RSPO3: variants seen among roughly 807,000 people sequenced by gnomAD.
RSPO3 encodes R-spondin 3, also known as R-spondin-3.
A neutral mutation model predicts 36.5 loss-of-function variants in RSPO3; 17 were observed. The observed-to-expected ratio is 0.47, with a 90% CI of 0.32 to 0.70. The LOEUF (loss-of-function observed/expected upper bound fraction) is 0.70. RSPO3 is among the 30% of genes least tolerant of loss of function. The pLI, the probability that RSPO3 is intolerant of heterozygous loss-of-function variation, is 0.04. For missense variants in RSPO3, 294 were observed against 322.5 expected, an observed-to-expected ratio of 0.91 and a Z score of 0.68; for synonymous variants, 108 against 107.0, an observed-to-expected ratio of 1.01 and a Z score of -0.06.
chr6:127,119,139 T>C lies in RSPO3; in HGVS notation c.-54T>C. ...ACATATATTTTAAAAACATTAAATA[T>C]AATTAACAATCAAAAGAAAGAGGAG... On this transcript the variant is annotated 5_prime_UTR_variant, in exon 1 of 5. Transcript: ENST00000356698. The C allele has an allele frequency of 1.5e-6, 2 of 1,328,198 alleles. No individual in the cohort carries two copies. The highest frequency in any genetic ancestry group is 2.3e-5 in the East Asian group (1 of 43,524). The allele number at this position is 1,328,198 out of a possible 1,614,324, so 82.3% of individuals were successfully genotyped here.
chr6:127,155,787 G>A (rs1774583414), intron 4 of RSPO3, among the ~76,000 whole-genome samples: 1 of 151,786 alleles, frequency 6.6e-6, no homozygotes, highest in Non-Finnish European at 1.5e-5. Context: ...ACAAGAACAA[G>A]ACAAAGAAAC....
At chr6:127,149,479 T>C (rs1207508840) in intron 2 of RSPO3, among the ~76,000 whole-genome samples, 1 of 152,104 alleles carries the variant, frequency 6.6e-6, no homozygotes, top group Non-Finnish European at 1.5e-5. Context: ...ACACTGGCTG[T>C]TCTAGCAGTT....
At chr6:127,159,566 G>C (rs1034708327) in intron 4 of RSPO3, among the ~76,000 whole-genome samples, 35 of 151,252 alleles carry the variant, frequency 2.3e-4, no homozygotes, top group African/African-American at 8.5e-4. Flanking sequence ...TATACTGTAG[G>C]TTGCCTTATG....
chr6:127,179,454 A>C (rs1204065693), intron 4 of RSPO3, among the ~76,000 whole-genome samples: 11 of 152,038 alleles, frequency 7.2e-5, no homozygotes, highest in African/African-American at 2.4e-4. Flanking sequence ...CTGTGTAGAC[A>C]AATTAGATGC....
intron 1 of RSPO3, among the ~76,000 whole-genome samples, chr6:127,144,656 T>TTTTTTTTTTTTTTTTTTTTTTTTTG (rs1554220622): frequency 6.8e-6 from 1 of 147,704 alleles, no homozygotes; most frequent in African/African-American, 2.5e-5. Flanking sequence ...TTTTTTTTTT[T>TTTTTTTTTTTTTTTTTTTTTTTTTG]CAGACAGAGT....
intron 4 of RSPO3, among the ~76,000 whole-genome samples, chr6:127,193,747 T>C (rs1775459888): frequency 5.3e-5 from 8 of 152,202 alleles, no homozygotes; most frequent in Admixed American, 5.2e-4. Context: ...TTGGTTATTA[T>C]ATTCAAGTCA....
intron 4 of RSPO3, among the ~76,000 whole-genome samples, chr6:127,186,011 C>A (rs569681727): frequency 1.3e-5 from 2 of 152,144 alleles, no homozygotes; most frequent in Non-Finnish European, 2.9e-5. Context: ...GGAAATTTAT[C>A]CAAATAAAAA....
chr6:127,184,920 C>T (rs966889955), intron 4 of RSPO3, among the ~76,000 whole-genome samples: 9 of 151,816 alleles, frequency 5.9e-5, no homozygotes, highest in Non-Finnish European at 1.2e-4. Flanking sequence ...TGTGCATATA[C>T]ATTTATATAT....
chr6:127,138,085 TC>T (rs1774197163), intron 1 of RSPO3, among the ~76,000 whole-genome samples: 3 of 152,282 alleles, frequency 2.0e-5, no homozygotes, highest in African/African-American at 7.2e-5. Context: ...GTTACCTAAA[TC>T]CACTGGATTC....
At chr6:127,122,567 A>T (rs144866445) in intron 1 of RSPO3, among the ~76,000 whole-genome samples, 1 of 152,332 alleles carries the variant, frequency 6.6e-6, no homozygotes, top group Admixed American at 6.5e-5. Flanking sequence ...ATAATGCCAT[A>T]TATCTAGCAA....
intron 4 of RSPO3, among the ~76,000 whole-genome samples, chr6:127,185,807 T>C (rs1442960480): frequency 6.6e-6 from 1 of 152,076 alleles, no homozygotes; most frequent in African/African-American, 2.4e-5. Context: ...AAGAGTAGAA[T>C]ACTATCAAGA....
At chr6:127,193,356 G>A (rs951249310) in intron 4 of RSPO3, among the ~76,000 whole-genome samples, 5 of 152,190 alleles carry the variant, frequency 3.3e-5, no homozygotes, top group African/African-American at 7.2e-5. Flanking sequence ...TGTGACCAAG[G>A]AAGAAACAAT....
intron 3 of RSPO3, among the ~76,000 whole-genome samples, chr6:127,154,923 C>A (rs1774562659): frequency 1.3e-5 from 2 of 152,158 alleles, no homozygotes; most frequent in South Asian, 4.1e-4. Context: ...TCAACAATTG[C>A]AGCAGTGCTC....
intron 4 of RSPO3, among the ~76,000 whole-genome samples, chr6:127,195,245 TG>T (rs1377460784): frequency 1.3e-5 from 2 of 152,192 alleles, no homozygotes; most frequent in Non-Finnish European, 2.9e-5. Context: ...CAGGGCTCAC[TG>T]CAGCCTTGAC....
rs553197424 is a variant in RSPO3 at position 127,187,888 on chromosome 6, T to G, written c.635-7935T>G. Reference sequence around the variant, plus strand: ...TAAAATACAGAATATCCTTTACTTTTATAATGAGTAAAATTCGTAAACATT... The same window carrying G: ...TAAAATACAGAATATCCTTTACTTTGATAATGAGTAAAATTCGTAAACATT... On this transcript the variant is annotated intron_variant, in intron 4 of 4. Transcript: ENST00000356698. Among the ~76,000 whole-genome samples the G allele has an allele frequency of 1.8e-4, 27 of 152,326 alleles. 1 individual carries two copies. The highest frequency in any genetic ancestry group is 5.8e-4 in the African/African-American group (24 of 41,590).
intron 1 of RSPO3, among the ~76,000 whole-genome samples, chr6:127,132,219 A>T (rs967870028): frequency 6.6e-6 from 1 of 152,140 alleles, no homozygotes; most frequent in African/African-American, 2.4e-5. Flanking sequence ...GAGATTAAAC[A>T]AAGTTTAAGT....
chr6:127,120,981 G>A (rs928950257), intron 1 of RSPO3, among the ~76,000 whole-genome samples: 7 of 152,246 alleles, frequency 4.6e-5, no homozygotes, highest in African/African-American at 1.7e-4. Flanking sequence ...GTCTGGCCTG[G>A]GGAATTGAGT....
At chr6:127,135,417 A>T (rs1400671628) in intron 1 of RSPO3, among the ~76,000 whole-genome samples, 13 of 27,226 alleles carry the variant, frequency 4.8e-4, no homozygotes, top group African/African-American at 1.2e-3. Flanking sequence ...GAGAATCCAT[A>T]AAAAAAAAAA....
chr6:127,180,515 A>C (rs1294631687), intron 4 of RSPO3, among the ~76,000 whole-genome samples: 15 of 136,942 alleles, frequency 1.1e-4, no homozygotes, highest in South Asian at 2.4e-4. Context: ...AAAAAAAAAA[A>C]CCACCAGATC....
Sources: allele counts gnomAD v4.1 joint callset (sites outside exome capture counted in the v4.1 genomes callset), GRCh38; gene constraint gnomAD v4.1.1; transcripts MANE v1.5; gene names NCBI Gene and HGNC (gene_info 2026-07-23, HGNC 2026-07-21).